Variants in ITGBL1 observed in about 807,000 individuals in gnomAD.
ITGBL1 encodes the protein integrin subunit beta like 1.
A neutral mutation model predicts 68.5 loss-of-function variants in ITGBL1; 51 were observed. The observed-to-expected ratio is 0.74, with a 90% CI of 0.59 to 0.94. The LOEUF is 0.94. Among genes scored for constraint, ITGBL1 ranks in the 40% least tolerant of loss-of-function variants. The probability of loss-of-function intolerance (pLI) is 0.00; values close to 1 mark genes in which losing one functional copy is unlikely to be tolerated. For missense variants in ITGBL1, 649 were observed against 647.4 expected (o/e 1.00, Z -0.03); for synonymous variants, 209 against 227.3 (o/e 0.92, Z 0.72).
At chr13:101,585,970 G>T (rs188709169) in intron 6 of ITGBL1, among the ~76,000 whole-genome samples, 1 of 152,150 alleles carries the variant, frequency 6.6e-6, no homozygotes, top group East Asian at 1.9e-4. Flanking sequence ...ATAATTCAGG[G>T]TCCTGTGAGC....
At position 101,508,691 on chromosome 13, in the gene ITGBL1, A is replaced by C. The variant is rs1348612373; in HGVS notation, c.316+54591A>C. Reference sequence around the variant, plus strand: ...AATTTACATTGTTTTATTCTATGTTAGAAGTCTTACATTTATATGTAGTCA... The same window carrying C: ...AATTTACATTGTTTTATTCTATGTTCGAAGTCTTACATTTATATGTAGTCA... On this transcript the variant is annotated intron_variant, in intron 2 of 10. Coordinates refer to ENST00000376180, the MANE Select transcript of ITGBL1 (RefSeq NM_004791.3). Among the ~76,000 whole-genome samples the C allele has an allele frequency of 3.9e-5, 6 of 152,246 alleles. No individual in the cohort carries two copies. The East Asian group carries it at 9.6e-4, about 24-fold the overall frequency.
chr13:101,452,846 G>C lies in ITGBL1; in HGVS notation c.13G>C (p.Gly5Arg), dbSNP rs2048183063. ...CCAGGAGCTCAGCATGCGTCCCCCAGGCTTCAGGAACTTCTTGCTGCTGGC... is the reference window on the plus strand; with the variant it reads ...CCAGGAGCTCAGCATGCGTCCCCCACGCTTCAGGAACTTCTTGCTGCTGGC... Reference protein sequence around the residue: MRPPGFRNFLLLASS... With the variant: MRPPRFRNFLLLASS... The change falls in exon 1 of 11, where the codon GGC becomes CGC. Residue 5 changes from glycine to arginine, a missense_variant. Gly to Arg is a moderately radical substitution (Grantham distance 125). Coordinates refer to ENST00000376180, the MANE Select transcript of ITGBL1 (RefSeq NM_004791.3). 1 of 1,613,922 alleles carries C rather than the reference G, an allele frequency of 6.2e-7. No individual in the cohort carries two copies. Among genetic ancestry groups the C allele is most frequent in the African/African-American group, 1.3e-5 (1 of 74,904 alleles).
chr13:101,656,957 T>C (rs1258008723), intron 7 of ITGBL1, among the ~76,000 whole-genome samples: 1 of 114,058 alleles, frequency 8.8e-6, no homozygotes, highest in Non-Finnish European at 1.7e-5. Flanking sequence ...TCTTTTTTTC[T>C]TTTTTTTTTT....
intron 2 of ITGBL1, among the ~76,000 whole-genome samples, chr13:101,514,248 G>A (rs2049161197): frequency 6.6e-6 from 1 of 152,054 alleles, no homozygotes; most frequent in South Asian, 2.1e-4. Context: ...GTTGCTTGAT[G>A]GAAGATAAAG....
chr13:101,697,404 A>G (rs1439186078), intron 8 of ITGBL1, among the ~76,000 whole-genome samples: 2 of 152,174 alleles, frequency 1.3e-5, no homozygotes, highest in African/African-American at 2.4e-5. Flanking sequence ...GGGTATTTTG[A>G]TATTTTGTCT....
chr13:101,546,047 T>A (rs1417639849), intron 2 of ITGBL1, among the ~76,000 whole-genome samples: 2 of 152,176 alleles, frequency 1.3e-5, no homozygotes, highest in African/African-American at 2.4e-5. Context: ...TACAATATTA[T>A]AGATATTACA....
At chr13:101,602,344 C>T (rs1250440762) in intron 7 of ITGBL1, among the ~76,000 whole-genome samples, 1 of 152,004 alleles carries the variant, frequency 6.6e-6, no homozygotes, top group Non-Finnish European at 1.5e-5. Flanking sequence ...TGGAGAAGGA[C>T]AAATTCATCT....
At chr13:101,562,807 G>T (rs1400906209) in intron 2 of ITGBL1, among the ~76,000 whole-genome samples, 1 of 151,794 alleles carries the variant, frequency 6.6e-6, no homozygotes, top group African/African-American at 2.4e-5. Flanking sequence ...TATATTACCA[G>T]CTTGACCAAA....
intron 7 of ITGBL1, among the ~76,000 whole-genome samples, chr13:101,690,499 G>A (rs550111536): frequency 6.6e-6 from 1 of 152,154 alleles, no homozygotes; most frequent in Non-Finnish European, 1.5e-5. Flanking sequence ...GATGATCATG[G>A]CTTCCCACAT....
At chr13:101,706,932 A>C in intron 9 of ITGBL1, 30 bp downstream of exon 9, 1 of 1,603,512 alleles carries the variant, frequency 6.2e-7, no homozygotes. Flanking sequence ...CCTGGACTCC[A>C]TTCCTGTTCT....
intron 2 of ITGBL1, among the ~76,000 whole-genome samples, chr13:101,481,508 T>C (rs4290348): frequency 0.19 from 29,376 of 151,700 alleles, 3,363 homozygotes; most frequent in East Asian, 0.43. Flanking sequence ...TAAATGTAAC[T>C]AGTTATGGAC....
chr13:101,645,297 C>G (rs1351855103), intron 7 of ITGBL1, among the ~76,000 whole-genome samples: 1 of 152,120 alleles, frequency 6.6e-6, no homozygotes, highest in Non-Finnish European at 1.5e-5. Flanking sequence ...CAAGGGAAAA[C>G]AAAACGACAT....
chr13:101,650,816 G>A (rs914052306), intron 7 of ITGBL1, among the ~76,000 whole-genome samples: 1 of 151,960 alleles, frequency 6.6e-6, no homozygotes, highest in Non-Finnish European at 1.5e-5. Context: ...ACAGACCCCA[G>A]TGTGTGTTCT....
intron 7 of ITGBL1, among the ~76,000 whole-genome samples, chr13:101,617,911 T>C (rs1434860657): frequency 6.6e-6 from 1 of 152,108 alleles, no homozygotes; most frequent in Non-Finnish European, 1.5e-5. Flanking sequence ...AACAGTGGTT[T>C]GTTGATATTG....
At chr13:101,611,915 T>G (rs897877277) in intron 7 of ITGBL1, among the ~76,000 whole-genome samples, 2 of 152,184 alleles carry the variant, frequency 1.3e-5, no homozygotes, top group Non-Finnish European at 2.9e-5. Context: ...AAGATCTGAC[T>G]AACTACGTCT....
rs2049441954 is a variant in ITGBL1 at position 101,529,812 on chromosome 13, GA to G, written c.317-37885del. Among the ~76,000 whole-genome samples the G allele has an allele frequency of 5.9e-5, 9 of 152,262 alleles. No individual in the cohort carries two copies. The South Asian group carries it at 1.5e-3, about 25-fold the overall frequency. On this transcript the variant is annotated intron_variant, in intron 2 of 10. Coordinates refer to ENST00000376180, the MANE Select transcript of ITGBL1 (RefSeq NM_004791.3). ...CCTTCTGCCATGATTTAAGTTTCCTGAAGTCCCTGCAGCCAAGTAGAACTGT... is the reference window on the plus strand; with the variant it reads ...CCTTCTGCCATGATTTAAGTTTCCTGAGTCCCTGCAGCCAAGTAGAACTGT...
intron 7 of ITGBL1, among the ~76,000 whole-genome samples, chr13:101,614,788 G>A (rs187331128): frequency 6.6e-6 from 1 of 152,102 alleles, no homozygotes. Context: ...ACCAATGCTG[G>A]GAGATAGCCC....
chr13:101,499,936 C>T (rs2048914606), intron 2 of ITGBL1, among the ~76,000 whole-genome samples: 1 of 152,306 alleles, frequency 6.6e-6, no homozygotes, highest in Admixed American at 6.5e-5. Flanking sequence ...ACCTCCTGGA[C>T]CTCAGTGTGG....
At chr13:101,462,107 C>A (rs1349055892) in intron 2 of ITGBL1, among the ~76,000 whole-genome samples, 1 of 152,118 alleles carries the variant, frequency 6.6e-6, no homozygotes, top group Non-Finnish European at 1.5e-5. Context: ...ACTTTCGGGT[C>A]CTTACAAGTA....
Sources: allele counts gnomAD v4.1 joint callset (sites outside exome capture counted in the v4.1 genomes callset), GRCh38; gene constraint gnomAD v4.1.1; transcripts MANE v1.5; gene names NCBI Gene and HGNC (gene_info 2026-07-23, HGNC 2026-07-21).